GLIS3: variants seen among roughly 807,000 people sequenced by gnomAD.
GLIS3 encodes the protein zinc finger protein GLIS3.
GLIS3 carries 53 observed loss-of-function variants against 78.6 expected under a neutral mutation model. That is an observed-to-expected ratio of 0.67 (90% confidence interval 0.54 to 0.85). The LOEUF (loss-of-function observed/expected upper bound fraction) is 0.85. Ranked by LOEUF, GLIS3 falls within the 40% of genes least tolerant of loss-of-function variation. GLIS3 has a pLI of 0.00. For missense variants in GLIS3, 1,703 were observed against 1,231.1 expected (o/e 1.38, Z -5.74); for synonymous variants, 684 against 509.9 (o/e 1.34, Z -4.60).
intron 4 of GLIS3, among the ~76,000 whole-genome samples, chr9:4,009,871 C>T (rs542966870): frequency 3.9e-5 from 6 of 152,204 alleles, no homozygotes; most frequent in South Asian, 2.1e-4. Context: ...GGGGTCTGGC[C>T]GCCCCGGTCA....
chr9:4,182,785 A>C (rs1367796802), intron 2 of GLIS3, among the ~76,000 whole-genome samples: 1 of 152,214 alleles, frequency 6.6e-6, no homozygotes, highest in African/African-American at 2.4e-5. Flanking sequence ...GATGATCAGA[A>C]TCACTCAAGG....
intron 2 of GLIS3, among the ~76,000 whole-genome samples, chr9:4,168,858 A>G (rs1427110393): frequency 6.6e-6 from 1 of 152,220 alleles, no homozygotes; most frequent in East Asian, 1.9e-4. Context: ...CGTTAGGCCT[A>G]ATTGTCGAAA....
chr9:4,326,480 G>T (rs35994634), intron 2 of GLIS3, among the ~76,000 whole-genome samples: 20,491 of 152,186 alleles, frequency 0.13, 1,515 homozygotes, highest in East Asian at 0.22. Context: ...CCACTTACAT[G>T]AAGTATTTAC....
the GLIS3 span, among the ~76,000 whole-genome samples, chr9:4,421,504 T>G: frequency 6.6e-6 from 1 of 152,228 alleles, no homozygotes; most frequent in African/African-American, 2.4e-5. Flanking sequence ...TCTCTCAGGT[T>G]TAGCGGCGTT....
chr9:4,154,142 C>T (rs1042664073), intron 2 of GLIS3, among the ~76,000 whole-genome samples: 3 of 152,224 alleles, frequency 2.0e-5, no homozygotes, highest in Non-Finnish European at 4.4e-5. Flanking sequence ...AGGGGGCTTT[C>T]AGGCCATTTA....
At chr9:4,266,207 C>G (rs180917655) in intron 2 of GLIS3, among the ~76,000 whole-genome samples, 9 of 150,686 alleles carry the variant, frequency 6.0e-5, no homozygotes, top group African/African-American at 2.2e-4. Context: ...TGTGAGCCAC[C>G]GCGCCTGGCC....
At chr9:3,885,740 G>A (rs1003985527) in intron 7 of GLIS3, among the ~76,000 whole-genome samples, 1 of 152,166 alleles carries the variant, frequency 6.6e-6, no homozygotes, top group Non-Finnish European at 1.5e-5. Context: ...TTTTAGAGCT[G>A]GGAAAAGTTC....
chr9:4,131,985 G>A (rs1197075102), intron 2 of GLIS3, among the ~76,000 whole-genome samples: 2 of 150,812 alleles, frequency 1.3e-5, no homozygotes, highest in African/African-American at 4.9e-5. Flanking sequence ...AGTAAATAAT[G>A]CTGTTTAATT....
intron 2 of GLIS3, among the ~76,000 whole-genome samples, chr9:4,197,613 C>G (rs1172236605): frequency 6.6e-6 from 1 of 152,180 alleles, no homozygotes; most frequent in Non-Finnish European, 1.5e-5. Flanking sequence ...GAAGTGTAGG[C>G]AAACCTGCCC....
At chr9:4,243,751 G>C (rs999580526) in intron 2 of GLIS3, among the ~76,000 whole-genome samples, 1 of 152,154 alleles carries the variant, frequency 6.6e-6, no homozygotes, top group African/African-American at 2.4e-5. Flanking sequence ...TGCCTGGAAT[G>C]GATTAGGTGT....
At chr9:4,099,757 T>G (rs750980931) in intron 4 of GLIS3, among the ~76,000 whole-genome samples, 1 of 152,232 alleles carries the variant, frequency 6.6e-6, no homozygotes, top group Non-Finnish European at 1.5e-5. Flanking sequence ...ATATTAAGTA[T>G]GAAGAGAAAT....
intron 9 of GLIS3, among the ~76,000 whole-genome samples, chr9:3,853,147 G>A (rs539844306): frequency 2.4e-4 from 37 of 152,328 alleles, no homozygotes; most frequent in Non-Finnish European, 4.7e-4. Context: ...TGAGGCTGCA[G>A]TGAGCTATGA....
At chr9:4,478,925 C>T in the GLIS3 span, among the ~76,000 whole-genome samples, 1 of 152,152 alleles carries the variant, frequency 6.6e-6, no homozygotes. Flanking sequence ...TAGCAAACCT[C>T]TACATCTAAC....
At chr9:3,849,026 C>A (rs933857821) in intron 9 of GLIS3, among the ~76,000 whole-genome samples, 6 of 152,344 alleles carry the variant, frequency 3.9e-5, no homozygotes, top group African/African-American at 1.4e-4. Flanking sequence ...GCACTGATTT[C>A]AAACAGCCCA....
At chr9:3,836,841 A>T (rs1043493534) in intron 9 of GLIS3, among the ~76,000 whole-genome samples, 1 of 152,096 alleles carries the variant, frequency 6.6e-6, no homozygotes, top group Non-Finnish European at 1.5e-5. Context: ...ATCCCCTTCC[A>T]TACTTCTGCT....
chr9:4,155,746 C>T (rs1016094745), intron 2 of GLIS3, among the ~76,000 whole-genome samples: 1 of 152,148 alleles, frequency 6.6e-6, no homozygotes, highest in Admixed American at 6.5e-5. Flanking sequence ...TCACGGACGG[C>T]TGTACAAGCA....
At chr9:3,870,574 C>A (rs1208377520) in intron 8 of GLIS3, among the ~76,000 whole-genome samples, 1 of 152,210 alleles carries the variant, frequency 6.6e-6, no homozygotes, top group Non-Finnish European at 1.5e-5. Context: ...TCCCATCTTA[C>A]ATGGATGGCA....
At position 4,210,398 on chromosome 9, in the gene GLIS3, C is replaced by G. The variant is rs527801546; in HGVS notation, c.388+75640G>C. Among the ~76,000 whole-genome samples the G allele has an allele frequency of 4.6e-5, 7 of 152,284 alleles. No individual in the cohort carries two copies. In the South Asian group the frequency reaches 1.5e-3, roughly 32 times the overall value. On this transcript the variant is annotated intron_variant, in intron 2 of 10. Coordinates refer to ENST00000381971, the MANE Select transcript of GLIS3 (RefSeq NM_001042413.2). ...GGTGGCCTTAGTTTATCTTAACATC[C>G]CTCTGCATTATCTGGGAAAGCATTT...
intron 2 of GLIS3, among the ~76,000 whole-genome samples, chr9:4,333,525 T>A (rs1563936439): frequency 6.6e-6 from 1 of 152,196 alleles, no homozygotes; most frequent in Non-Finnish European, 1.5e-5. Flanking sequence ...AACAAGATCT[T>A]GCTCAATGAC....
Sources: allele counts gnomAD v4.1 joint callset (sites outside exome capture counted in the v4.1 genomes callset), GRCh38; gene constraint gnomAD v4.1.1; transcripts MANE v1.5; gene names NCBI Gene and HGNC (gene_info 2026-07-23, HGNC 2026-07-21).